PARD3B: variants seen among roughly 807,000 people sequenced by gnomAD.
The protein encoded by PARD3B is partitioning defective 3 homolog B.
Under a neutral mutation model 130.2 loss-of-function variants are expected in PARD3B, and 103 were observed. The ratio of observed to expected loss-of-function variants is 0.79; its 90% CI spans 0.67 to 0.93. The LOEUF (loss-of-function observed/expected upper bound fraction) is 0.93, where lower values mean the gene tolerates loss of function less well. Among genes scored for constraint, PARD3B ranks in the 40% least tolerant of loss-of-function variants. The probability of loss-of-function intolerance (pLI) is 0.00; values close to 1 mark genes in which losing one functional copy is unlikely to be tolerated. For synonymous variants in PARD3B, 583 were observed against 553.2 expected (o/e 1.05, Z -0.76); for missense variants, 1,609 against 1,499.2 (o/e 1.07, Z -1.21).
At chr2:205,261,416 CT>C (rs2040305551) in intron 16 of PARD3B, among the ~76,000 whole-genome samples, 1 of 152,142 alleles carries the variant, frequency 6.6e-6, no homozygotes, top group African/African-American at 2.4e-5. Flanking sequence ...AATGATTATT[CT>C]TTATAAAGGA....
At chr2:204,594,539 C>G (rs888222180) in intron 1 of PARD3B, among the ~76,000 whole-genome samples, 1 of 152,154 alleles carries the variant, frequency 6.6e-6, no homozygotes, top group Non-Finnish European at 1.5e-5. Flanking sequence ...GTCTAGAAAA[C>G]AGTGGAGCCA....
intron 2 of PARD3B, among the ~76,000 whole-genome samples, chr2:204,953,734 T>A (rs1434919474): frequency 6.6e-6 from 1 of 152,246 alleles, no homozygotes; most frequent in Non-Finnish European, 1.5e-5. Flanking sequence ...CACAGCAACC[T>A]AGATTTTTGG....
intron 4 of PARD3B, among the ~76,000 whole-genome samples, chr2:205,095,796 G>T (rs756027457): frequency 4.0e-5 from 6 of 151,784 alleles, no homozygotes; most frequent in Non-Finnish European, 7.4e-5. Flanking sequence ...GCAGGTAAAG[G>T]GTATAATTTT....
At chr2:204,955,880 G>T (rs1041267162) in intron 2 of PARD3B, among the ~76,000 whole-genome samples, 3 of 152,156 alleles carry the variant, frequency 2.0e-5, no homozygotes, top group Admixed American at 2.0e-4. Context: ...ATACAGTCAT[G>T]GATATAGCAC....
rs544034951 is a variant in PARD3B at position 205,388,075 on chromosome 2, C to T, written c.2631-12938C>T. 8.5e-5 allele frequency among the ~76,000 whole-genome samples: 13 copies of T among 152,172 alleles called. No individual in the cohort carries two copies. In the South Asian group the frequency reaches 2.7e-3, roughly 32 times the overall value. ...GTAAATTTACTTGATTGAGAGTCAC[C>T]CACATTTCTTTTAAAGGTATGCTCA... On this transcript the variant is annotated intron_variant, in intron 18 of 22. Transcript: ENST00000406610.
At chr2:205,214,634 G>C (rs1202626742) in intron 15 of PARD3B, among the ~76,000 whole-genome samples, 1 of 151,910 alleles carries the variant, frequency 6.6e-6, no homozygotes, top group East Asian at 1.9e-4. Flanking sequence ...AGCAATTTTT[G>C]TATTTAGGTT....
At chr2:205,613,617 G>A (rs989722423) in intron 22 of PARD3B, among the ~76,000 whole-genome samples, 2 of 152,172 alleles carry the variant, frequency 1.3e-5, no homozygotes, top group Admixed American at 6.5e-5. Flanking sequence ...CTGAATAATA[G>A]CAGCTGATGC....
chr2:204,978,956 C>A (rs1413255161), intron 3 of PARD3B, among the ~76,000 whole-genome samples: 2 of 131,966 alleles, frequency 1.5e-5, no homozygotes, highest in Non-Finnish European at 3.3e-5. Context: ...CAAAATGAGA[C>A]CCTGGCCTCA....
At position 205,274,527 on chromosome 2, in the gene PARD3B, G is replaced by A. The variant is rs1422836105; in HGVS notation, c.2186-26003G>A. Among the ~76,000 whole-genome samples, 1 of 75,412 alleles carries A rather than the reference G, an allele frequency of 1.3e-5. No individual in the cohort carries two copies. The highest frequency in any genetic ancestry group is 2.8e-5 in the Non-Finnish European group (1 of 36,358). 49.5% of individuals were successfully genotyped at this position (75,412 alleles called of 152,430 possible). A position where few individuals can be genotyped will look rare whatever the true frequency, so the allele number is the denominator to read the frequency against. On this transcript the variant is annotated intron_variant, in intron 16 of 22. Coordinates refer to ENST00000406610, the MANE Select transcript of PARD3B (RefSeq NM_001302769.2). This position sits in a 1 kb window ranked among gnomAD's most constrained non-coding sequence, Gnocchi z 4.2. ...ATTAAATATGAATAGTATTAAATGT[G>A]TGGTACATTGCTTTTTTTAATAACC...
chr2:205,604,685 T>C (rs2054919486), intron 22 of PARD3B, among the ~76,000 whole-genome samples: 1 of 152,196 alleles, frequency 6.6e-6, no homozygotes, highest in Non-Finnish European at 1.5e-5. Context: ...TTATGTGTCT[T>C]GGGGTTGATC....
intron 1 of PARD3B, among the ~76,000 whole-genome samples, chr2:204,641,824 A>T (rs1237796273): frequency 6.6e-6 from 1 of 152,244 alleles, no homozygotes; most frequent in African/African-American, 2.4e-5. Flanking sequence ...ATTTCTAAGA[A>T]ATCAGTGTCT....
At chr2:205,026,146 C>T (rs754522605) in intron 3 of PARD3B, among the ~76,000 whole-genome samples, 2 of 151,940 alleles carry the variant, frequency 1.3e-5, no homozygotes, top group Non-Finnish European at 2.9e-5. Context: ...GAAAATGAAA[C>T]AGGATAAAGG....
At chr2:205,249,575 C>T (rs2039747894) in intron 16 of PARD3B, among the ~76,000 whole-genome samples, 1 of 152,002 alleles carries the variant, frequency 6.6e-6, no homozygotes, top group Admixed American at 6.5e-5. Context: ...ATATTTTTGA[C>T]CCAAAAATGT....
chr2:205,430,565 T>A (rs2047296611), intron 19 of PARD3B, among the ~76,000 whole-genome samples: 1 of 152,232 alleles, frequency 6.6e-6, no homozygotes. Flanking sequence ...TCCATTTCCA[T>A]CATCACGGAA....
At chr2:204,845,432 T>C (rs1381694675) in intron 2 of PARD3B, among the ~76,000 whole-genome samples, 3 of 152,148 alleles carry the variant, frequency 2.0e-5, no homozygotes, top group Non-Finnish European at 2.9e-5. Context: ...GTAGAAATCA[T>C]CAAATACCAA....
At chr2:204,862,173 G>T (rs1241691622) in intron 2 of PARD3B, among the ~76,000 whole-genome samples, 1 of 152,112 alleles carries the variant, frequency 6.6e-6, no homozygotes. Flanking sequence ...CACTCCCAGC[G>T]ATACAGCTCT....
At chr2:205,391,419 A>T (rs2045856150) in intron 18 of PARD3B, among the ~76,000 whole-genome samples, 1 of 152,256 alleles carries the variant, frequency 6.6e-6, no homozygotes, top group Non-Finnish European at 1.5e-5. Context: ...CTTAAAAATC[A>T]TAATCATGAA....
chr2:205,246,106 T>C (rs961195296), intron 16 of PARD3B, among the ~76,000 whole-genome samples: 10 of 152,114 alleles, frequency 6.6e-5, no homozygotes, highest in African/African-American at 2.4e-4. Flanking sequence ...CTTAAAAAAA[T>C]TGCAAGAAAA....
chr2:205,126,283 C>G (rs761345240), intron 10 of PARD3B, among the ~76,000 whole-genome samples: 6 of 152,092 alleles, frequency 3.9e-5, no homozygotes, highest in Non-Finnish European at 7.4e-5. Flanking sequence ...GACCTAGTAA[C>G]TAGACTTCAA....
Sources: gnomAD v4.1 joint callset for allele counts (sites outside exome capture counted in the v4.1 genomes callset) on GRCh38, gnomAD v4.1.1 for gene constraint, Gnocchi (gnomAD v3.1) non-coding constraint, MANE v1.5 for transcripts, NCBI Gene and HGNC (gene_info 2026-07-23, HGNC 2026-07-21) for gene names.